Variants in UNC13B observed in about 807,000 individuals in gnomAD.
UNC13B encodes unc-13 homolog B, also known as protein unc-13 homolog B.
Under a neutral mutation model 211.0 loss-of-function variants are expected in UNC13B, and 144 were observed. That is an observed-to-expected ratio of 0.68 (90% CI 0.60 to 0.78). The LOEUF (loss-of-function observed/expected upper bound fraction) is 0.78. Ranked by LOEUF, UNC13B falls within the 30% of genes least tolerant of loss-of-function variation. The pLI is 0.00. For synonymous variants in UNC13B, 709 were observed against 725.8 expected (o/e 0.98, Z 0.37); for missense variants, 1,777 against 2,002.0 (o/e 0.89, Z 2.14).
rs184743228 is a variant in UNC13B, at chr9:35,220,705, A to G, written c.23-7310A>G. Among the ~76,000 whole-genome samples, 302 of 152,264 alleles carry G rather than the reference A, an allele frequency of 2.0e-3. 1 individual carries two copies. The Middle Eastern group carries it at 0.034, about 17-fold the overall frequency. Reference sequence around the variant, plus strand: ...CTTAAGTTGCTTCCAAATCTTGGCTATTGTGAAATGGTGCTTCAATAAATG... The same window carrying G: ...CTTAAGTTGCTTCCAAATCTTGGCTGTTGTGAAATGGTGCTTCAATAAATG... On this transcript the variant is annotated intron_variant, in intron 1 of 39. Coordinates refer to ENST00000635942, the MANE Select transcript of UNC13B (RefSeq NM_001371189.2).
chr9:35,231,797 T>G (rs1174553879), intron 3 of UNC13B, among the ~76,000 whole-genome samples: 2 of 152,244 alleles, frequency 1.3e-5, no homozygotes, highest in East Asian at 3.8e-4. Flanking sequence ...ATTATGATTT[T>G]AATTAAACTT....
In UNC13B at chr9:35,328,658, TCCTTCCTCCCTC is replaced by T. The variant is rs1488941940; in HGVS notation, c.9414+14677_9414+14688del. ...TTCCTTCCTTCCTTCCTTCCTTCCT[TCCTTCCTCCCTC>T]CCTTCCTTCCCTTCCCTTTCTTCCT... is the stretch of plus-strand genomic sequence containing the variant. On this transcript the variant is annotated intron_variant, in intron 11 of 39. Coordinates refer to ENST00000635942, the MANE Select transcript of UNC13B (RefSeq NM_001371189.2). Among the ~76,000 whole-genome samples, 674 of 94,056 alleles carry T rather than the reference TCCTTCCTCCCTC, an allele frequency of 7.2e-3. 31 individuals are homozygous for T. The highest frequency in any genetic ancestry group is 0.032 in the African/African-American group (597 of 18,430). 61.7% of individuals were successfully genotyped at this position (94,056 alleles called of 152,430 possible). A position where few individuals can be genotyped will look rare whatever the true frequency, so the allele number is the denominator to read the frequency against.
intron 24 of UNC13B, among the ~76,000 whole-genome samples, chr9:35,387,355 C>T (rs948491124): frequency 6.6e-6 from 1 of 152,190 alleles, no homozygotes; most frequent in African/African-American, 2.4e-5. Flanking sequence ...TAGGAACACC[C>T]TCATAAAGAC....
intron 17 of UNC13B, 68 bp downstream of exon 17, chr9:35,378,504 A>T: frequency 6.3e-7 from 1 of 1,589,900 alleles, no homozygotes; most frequent in Admixed American, 1.7e-5. Context: ...ACATCCTGCC[A>T]TTCTGGGCTT....
intron 7 of UNC13B, among the ~76,000 whole-genome samples, chr9:35,282,324 G>A (rs1234272978): frequency 6.6e-6 from 1 of 151,962 alleles, no homozygotes; most frequent in Non-Finnish European, 1.5e-5. Flanking sequence ...CTCTCTTCTT[G>A]TTCTTTATAT....
chr9:35,377,636 C>T lies in UNC13B; in HGVS notation c.10004C>T (p.Thr3335Ile). The change falls in exon 16 of 40, where the codon ACA (threonine) becomes ATA (isoleucine). Residue 3335 changes from threonine to isoleucine, a missense_variant. Coordinates refer to ENST00000635942, the MANE Select transcript of UNC13B (RefSeq NM_001371189.2). ...NKAAHVQQMK[T>I]VKQSVLDGTS... is the part of the protein sequence containing the mutation. The stretch of plus-strand genomic sequence containing the variant: ...GCTGCCCATGTGCAGCAGATGAAAA[C>T]AGTGAAGCAGAGTGTACTGGATGGC... The T allele has an allele frequency of 1.2e-6, 2 of 1,614,158 alleles. No homozygotes were observed. The highest frequency in any genetic ancestry group is 1.7e-6 in the Non-Finnish European group (2 of 1,180,028).
intron 1 of UNC13B, among the ~76,000 whole-genome samples, chr9:35,226,353 G>GGTGT (rs142509730): frequency 3.3e-5 from 5 of 150,546 alleles, no homozygotes; most frequent in African/African-American, 9.7e-5. Context: ...GAACTGATAG[G>GGTGT]GTGTGTGTGT....
intron 11 of UNC13B, chr9:35,352,621 G>A (rs1023482580): frequency 1.5e-5 from 18 of 1,232,106 alleles, no homozygotes; most frequent in Middle Eastern, 3.1e-4. Context: ...AACAGAGAGA[G>A]CACCAGGCCC....
In UNC13B at chr9:35,300,304, T is replaced by A. The variant is rs1013976459; in HGVS notation, c.900T>A (p.Thr300=). The change falls in exon 9 of 40, where the codon ACT becomes ACA. Residue 300 remains threonine (T), a synonymous_variant. Coordinates refer to ENST00000635942, the MANE Select transcript of UNC13B (RefSeq NM_001371189.2). ...ACTACAAAAGTACATATTCTAATAC[T>A]GAAAATTGTACCCTTTGCCATACTG... ...KTNYKSTYSN[T]ENCTLCHTEK... 1.0e-5 allele frequency: 4 copies of A among 398,796 alleles called. No individual in the cohort carries two copies. The highest frequency in any genetic ancestry group is 1.3e-5 in the Non-Finnish European group (3 of 226,050). The allele number at this position is 398,796 out of a possible 1,614,324, so 24.7% of individuals were successfully genotyped here.
Position 35,188,386 on chromosome 9 carries a change from T to G in UNC13B, c.22+26081T>G, listed in dbSNP as rs376944528. 7.7e-4 allele frequency among the ~76,000 whole-genome samples: 117 copies of G among 152,364 alleles called. 2 individuals are homozygous for G. The South Asian group carries it at 0.019, about 25-fold the overall frequency. ...AATAAGTTTAGTTATCTCTGTGATTTACAATAACTTTAACCTTAATTATAA... is the reference window on the plus strand; with the variant it reads ...AATAAGTTTAGTTATCTCTGTGATTGACAATAACTTTAACCTTAATTATAA... On this transcript the variant is annotated intron_variant, in intron 1 of 39. Transcript: ENST00000635942.
At chr9:35,344,889 G>A (rs1260089741) in intron 11 of UNC13B, among the ~76,000 whole-genome samples, 1 of 152,122 alleles carries the variant, frequency 6.6e-6, no homozygotes, top group Admixed American at 6.5e-5. Context: ...GGTTTGTTTT[G>A]GGTTTTTGTT....
At chr9:35,278,024 G>A (rs1355570774) in intron 7 of UNC13B, among the ~76,000 whole-genome samples, 2 of 152,150 alleles carry the variant, frequency 1.3e-5, no homozygotes, top group Non-Finnish European at 2.9e-5. Context: ...ATCGAGATGT[G>A]TTCATTGAAA....
intron 11 of UNC13B, among the ~76,000 whole-genome samples, chr9:35,330,834 A>G (rs2062919201): frequency 1.3e-5 from 2 of 152,102 alleles, no homozygotes; most frequent in African/African-American, 4.8e-5. Context: ...ATCATTTGGA[A>G]GGGTGGATTT....
At chr9:35,277,227 G>T (rs1828228643) in intron 7 of UNC13B, among the ~76,000 whole-genome samples, 1 of 152,160 alleles carries the variant, frequency 6.6e-6, no homozygotes, top group Non-Finnish European at 1.5e-5. Flanking sequence ...GAATAAGAGT[G>T]TAATTTGCAG....
At chr9:35,233,874 C>T (rs1825347268) in intron 3 of UNC13B, among the ~76,000 whole-genome samples, 1 of 152,128 alleles carries the variant, frequency 6.6e-6, no homozygotes, top group African/African-American at 2.4e-5. Context: ...ATAAACAGAG[C>T]TCTCAGACCT....
intron 7 of UNC13B, among the ~76,000 whole-genome samples, chr9:35,283,050 C>T (rs972045234): frequency 2.6e-5 from 4 of 152,116 alleles, no homozygotes; most frequent in African/African-American, 9.7e-5. Flanking sequence ...GATTGTTCCC[C>T]AGTTTTTGCT....
intron 11 of UNC13B, among the ~76,000 whole-genome samples, chr9:35,326,782 T>C (rs1831041928): frequency 6.6e-6 from 1 of 152,176 alleles, no homozygotes; most frequent in Admixed American, 6.5e-5. Flanking sequence ...GATATGTAAA[T>C]ATGATCTCTC....
chr9:35,222,812 A>G (rs1824635882), intron 1 of UNC13B, among the ~76,000 whole-genome samples: 1 of 152,206 alleles, frequency 6.6e-6, no homozygotes, highest in Admixed American at 6.5e-5. Context: ...TTCCTTCAAT[A>G]TAACTGTATG....
chr9:35,162,296 T>A lies in UNC13B; in HGVS notation c.13T>A (p.Cys5Ser), dbSNP rs1466658041. 5.2e-6 allele frequency: 8 copies of A among 1,542,926 alleles called. No homozygotes were observed. The highest frequency in any genetic ancestry group is 7.0e-6 in the Non-Finnish European group (8 of 1,149,040). The change falls in exon 1 of 40, where the codon TGC (cysteine) becomes AGC (serine). Residue 5 changes from cysteine (C) to serine (S), a missense_variant. Physicochemically the swap from Cys to Ser is moderately radical, Grantham distance 112. Coordinates refer to ENST00000635942, the MANE Select transcript of UNC13B (RefSeq NM_001371189.2). MSLL[C>S]VRVKRAKFQG... Reference sequence around the variant, plus strand: ...CCGATCCTCGGCCATGTCACTGCTCTGCGTGCGCGGTGAGTGCGCGGACTG... The same window carrying A: ...CCGATCCTCGGCCATGTCACTGCTCAGCGTGCGCGGTGAGTGCGCGGACTG...
Sources: allele counts gnomAD v4.1 joint callset (sites outside exome capture counted in the v4.1 genomes callset), GRCh38; gene constraint gnomAD v4.1.1; transcripts MANE v1.5; gene names NCBI Gene and HGNC (gene_info 2026-07-23, HGNC 2026-07-21).